CALHM4: variants seen among roughly 807,000 people sequenced by gnomAD.
CALHM4 encodes the protein calcium homeostasis modulator family member 4.
Under a neutral mutation model 13.3 loss-of-function variants are expected in CALHM4, and 16 were observed. The observed-to-expected ratio is 1.20, with a 90% CI of 0.81 to 1.82. CALHM4 has a LOEUF of 1.82. Among genes scored for constraint, CALHM4 ranks in the 40% most tolerant of loss-of-function variants. The pLI is 0.00. For missense variants in CALHM4, 344 were observed against 374.9 expected (o/e 0.92, Z 0.68); for synonymous variants, 127 against 137.1 (o/e 0.93, Z 0.52).
intron 1 of CALHM4, among the ~76,000 whole-genome samples, chr6:116,556,665 A>G (rs1369161047): frequency 6.6e-6 from 1 of 152,166 alleles, no homozygotes; most frequent in Admixed American, 6.5e-5. Flanking sequence ...TGTGGAACTT[A>G]CCTCTCTCAC....
chr6:116,539,995 T>C (rs956607595), intron 1 of CALHM4, among the ~76,000 whole-genome samples: 1 of 152,184 alleles, frequency 6.6e-6, no homozygotes, highest in Non-Finnish European at 1.5e-5. Context: ...TCTTTGATAC[T>C]ACCAAAAACC....
intron 2 of CALHM4, chr6:116,545,513 A>C (rs761431938): frequency 3.2e-6 from 5 of 1,547,214 alleles, no homozygotes; most frequent in Non-Finnish European, 4.4e-6. Context: ...AGGGCGAGAC[A>C]TAGTGCTTGA....
At chr6:116,551,166 G>C (rs1774063596), upstream of CALHM4, among the ~76,000 whole-genome samples, 1 of 152,056 alleles carries the variant, frequency 6.6e-6, no homozygotes, top group Non-Finnish European at 1.5e-5. Context: ...GCACCCCCGT[G>C]ACCTTATGTG....
upstream of CALHM4, among the ~76,000 whole-genome samples, chr6:116,552,252 T>C (rs1724965102): frequency 6.6e-6 from 1 of 152,190 alleles, no homozygotes; most frequent in South Asian, 2.1e-4. Flanking sequence ...TCATTGCCGT[T>C]CTTTTGTAGA....
chr6:116,534,923 T>C (rs1350276100), intron 1 of CALHM4, among the ~76,000 whole-genome samples: 1 of 152,216 alleles, frequency 6.6e-6, no homozygotes. Flanking sequence ...CCCTTCTTAC[T>C]GTGACAACAA....
intron 1 of CALHM4, among the ~76,000 whole-genome samples, chr6:116,536,030 A>G (rs551004613): frequency 4.6e-5 from 7 of 152,344 alleles, no homozygotes; most frequent in Admixed American, 3.9e-4. Flanking sequence ...TAAAGAAAAT[A>G]TCAATGCTAT....
rs868106483 is a variant in CALHM4, at chr6:116,556,943, T to G, written c.559-882T>G. ...TGCTATTCATTTATTTTTAATCTTTTTTTTTTTTTTTTTTTGAGATGGAGT... is the reference window on the plus strand; with the variant it reads ...TGCTATTCATTTATTTTTAATCTTTGTTTTTTTTTTTTTTTGAGATGGAGT... On this transcript the variant is annotated intron_variant, in intron 1 of 1. Transcript: ENST00000368596. Among the ~76,000 whole-genome samples the G allele has an allele frequency of 2.0e-3, 296 of 147,106 alleles. 2 individuals are homozygous for G. Among genetic ancestry groups the G allele is most frequent in the African/African-American group, 7.1e-3 (283 of 40,116 alleles).
At chr6:116,542,031 G>T (rs1773495060) in intron 1 of CALHM4, among the ~76,000 whole-genome samples, 1 of 152,054 alleles carries the variant, frequency 6.6e-6, no homozygotes. Flanking sequence ...CTAACCAAAG[G>T]TATTTTTGTA....
upstream of CALHM4, among the ~76,000 whole-genome samples, chr6:116,549,869 G>C (rs371696424): frequency 4.0e-5 from 6 of 150,168 alleles, no homozygotes; most frequent in Non-Finnish European, 8.9e-5. Context: ...CCAACTACTC[G>C]GTAGGCTGAG....
chr6:116,543,294 T>C, intron 1 of CALHM4: 1 of 1,541,440 alleles, frequency 6.5e-7, no homozygotes, highest in Non-Finnish European at 8.8e-7. Flanking sequence ...ATGAAGGACT[T>C]CCACTTACAT....
chr6:116,543,227 G>A, intron 1 of CALHM4: 1 of 1,057,492 alleles, frequency 9.5e-7, no homozygotes, highest in Non-Finnish European at 1.4e-6. Flanking sequence ...AGCAAAGGAA[G>A]TCATTAGAGG....
At chr6:116,534,019 A>G (rs1337474120) in intron 1 of CALHM4, among the ~76,000 whole-genome samples, 1 of 152,140 alleles carries the variant, frequency 6.6e-6, no homozygotes, top group Non-Finnish European at 1.5e-5. Context: ...CCCCAACAAG[A>G]TTTGAATCCC....
Position 116,535,093 on chromosome 6 carries a change from A to G in CALHM4, c.-109+5903A>G, listed in dbSNP as rs1772995336. The stretch of plus-strand genomic sequence containing the variant: ...TAAACATTGTCAGTAACTAGAAGGT[A>G]TGGATGGATGCTCTGCAGGAGGCTT... On this transcript the variant is annotated intron_variant, in intron 1 of 2. Transcript: ENST00000368597. Among the ~76,000 whole-genome samples the G allele has an allele frequency of 2.6e-5, 4 of 152,236 alleles. No homozygotes were observed. The South Asian group carries it at 8.3e-4, about 31-fold the overall frequency.
intron 1 of CALHM4, among the ~76,000 whole-genome samples, chr6:116,556,939 CTT>C (rs35964763): frequency 1.3e-3 from 152 of 119,462 alleles, no homozygotes; most frequent in African/African-American, 4.4e-3. Context: ...TATTTTTAAT[CTT>C]TTTTTTTTTT....
At chr6:116,538,312 G>A (rs1773220368) in intron 1 of CALHM4, among the ~76,000 whole-genome samples, 1 of 152,318 alleles carries the variant, frequency 6.6e-6, no homozygotes, top group Non-Finnish European at 1.5e-5. Context: ...GGCATTTACG[G>A]TATTGAGCAT....
At chr6:116,541,806 A>C (rs567967874) in intron 1 of CALHM4, among the ~76,000 whole-genome samples, 11 of 152,178 alleles carry the variant, frequency 7.2e-5, no homozygotes, top group African/African-American at 2.6e-4. Context: ...CCAAAACGTT[A>C]TGAGCTGTGC....
intron 1 of CALHM4, chr6:116,540,562 G>T: frequency 1.6e-6 from 2 of 1,231,672 alleles, no homozygotes; most frequent in South Asian, 1.4e-5. Flanking sequence ...TTGTGCAAGT[G>T]AATCACAAAT....
intron 1 of CALHM4, among the ~76,000 whole-genome samples, chr6:116,531,373 G>A (rs1056563166): frequency 6.6e-6 from 1 of 152,026 alleles, no homozygotes; most frequent in African/African-American, 2.4e-5. Context: ...GCAGTGAGGT[G>A]GAGAGAAGGA....
chr6:116,545,636 G>C, intron 2 of CALHM4: 1 of 805,656 alleles, frequency 1.2e-6, no homozygotes, highest in South Asian at 2.1e-5. Context: ...TGAGACAGGA[G>C]TGCTGCTTCT....
Sources: allele counts gnomAD v4.1 joint callset (sites outside exome capture counted in the v4.1 genomes callset), GRCh38; gene constraint gnomAD v4.1.1; transcripts MANE v1.5; gene names NCBI Gene and HGNC (gene_info 2026-07-23, HGNC 2026-07-21).